Variants in NTSR1 observed in about 807,000 individuals in gnomAD.
The protein encoded by NTSR1 is neurotensin receptor 1, also known as neurotensin receptor type 1.
NTSR1 carries 29 observed loss-of-function variants against 31.2 expected under a neutral mutation model. The observed-to-expected ratio is 0.93, with a 90% CI of 0.69 to 1.27. The LOEUF is 1.27. NTSR1 is among the 50% of genes most tolerant of loss of function. The pLI, the probability that NTSR1 is intolerant of heterozygous loss-of-function variation, is 0.00. For missense variants in NTSR1, 697 were observed against 595.4 expected, an observed-to-expected ratio of 1.17 and a Z score of -1.78; for synonymous variants, 282 against 269.9, an observed-to-expected ratio of 1.04 and a Z score of -0.44.
rs1315183439 is a variant in NTSR1 at position 62,752,640 on chromosome 20, C to A, written c.715-2045C>A. ...AGAGGTAGCTATTTTTGCAGCCAGC[C>A]GTGTTGGTGAGGTTGGTATTTTAAA... On this transcript the variant is annotated intron_variant, in intron 1 of 3. Transcript: ENST00000370501. 2.0e-5 allele frequency among the ~76,000 whole-genome samples: 3 copies of A among 152,212 alleles called. No individual in the cohort carries two copies. The East Asian group carries it at 5.8e-4, about 29-fold the overall frequency.
In NTSR1 at chr20:62,711,569, G is replaced by A. The variant is rs1201999822; in HGVS notation, c.714+1648G>A. On this transcript the variant is annotated intron_variant, in intron 1 of 3. Transcript: ENST00000370501. The surrounding 1 kb of genome is among the most constrained non-coding windows in gnomAD (Gnocchi z 6.4). ...CCCGGATCCCCCCACTCAGACCCCC[G>A]ATCCCCCCGCTCAGATCCCCGATCC... 2.4e-4 allele frequency among the ~76,000 whole-genome samples: 8 copies of A among 34,014 alleles called. No individual in the cohort carries two copies. The highest frequency in any genetic ancestry group is 3.9e-4 in the Non-Finnish European group (7 of 18,168). 22.3% of individuals were successfully genotyped at this position (34,014 alleles called of 152,430 possible).
Position 62,714,418 on chromosome 20 carries a change from G to A in NTSR1, c.714+4497G>A, listed in dbSNP as rs964147120. Reference sequence around the variant, plus strand: ...AAAGGCAGTGTCTCAGCCCAGAAATGTTCATCAATAAGTGAAGAAGGAGCA... The same window carrying A: ...AAAGGCAGTGTCTCAGCCCAGAAATATTCATCAATAAGTGAAGAAGGAGCA... On this transcript the variant is annotated intron_variant, in intron 1 of 3. Coordinates refer to ENST00000370501, the MANE Select transcript of NTSR1 (RefSeq NM_002531.3). This position sits in a 1 kb window ranked among gnomAD's most constrained non-coding sequence, Gnocchi z 4.1. Among the ~76,000 whole-genome samples, 2 of 152,222 alleles carry A rather than the reference G, an allele frequency of 1.3e-5. No individual in the cohort carries two copies. Among genetic ancestry groups the A allele is most frequent in the South Asian group, 4.1e-4 (2 of 4,838 alleles).
At position 62,733,844 on chromosome 20, in the gene NTSR1, GGGAA is replaced by G. The variant is rs1173903750; in HGVS notation, c.715-20838_715-20835del. Among the ~76,000 whole-genome samples the G allele has an allele frequency of 6.6e-6, 1 of 152,172 alleles. No individual in the cohort carries two copies. Among genetic ancestry groups the G allele is most frequent in the Non-Finnish European group, 1.5e-5 (1 of 68,028 alleles). ...CTTGCCTGGGGTCTCAGCTGAGAGA[GGGAA>G]GGCTCTGTGCTGGGGAAGAGGCCTC... On this transcript the variant is annotated intron_variant, in intron 1 of 3. Coordinates refer to ENST00000370501, the MANE Select transcript of NTSR1 (RefSeq NM_002531.3). This position sits in a 1 kb window ranked among gnomAD's most constrained non-coding sequence, Gnocchi z 5.2.
chr20:62,719,862 T>C (rs1046795383), intron 1 of NTSR1, among the ~76,000 whole-genome samples: 1 of 152,252 alleles, frequency 6.6e-6, no homozygotes, highest in Non-Finnish European at 1.5e-5. Flanking sequence ...CCTCATAACA[T>C]GAGCTGGGAG....
At chr20:62,737,913 G>A (rs1392106815) in intron 1 of NTSR1, among the ~76,000 whole-genome samples, 1 of 110,374 alleles carries the variant, frequency 9.1e-6, no homozygotes, top group African/African-American at 4.1e-5. Flanking sequence ...CCTTCCTCCT[G>A]GCCCACAGAT....
intron 1 of NTSR1, among the ~76,000 whole-genome samples, chr20:62,739,537 G>A (rs113725741): frequency 0.039 from 5,980 of 152,346 alleles, 220 homozygotes; most frequent in South Asian, 0.1. Context: ...ACTTGGGGGT[G>A]TGAGGGGCCG....
intron 1 of NTSR1, among the ~76,000 whole-genome samples, chr20:62,752,016 C>T (rs769370664): frequency 2.0e-5 from 3 of 152,228 alleles, no homozygotes; most frequent in Non-Finnish European, 4.4e-5. Flanking sequence ...CTTGTCCTAG[C>T]GACCTGCCTT....
intron 1 of NTSR1, among the ~76,000 whole-genome samples, chr20:62,731,795 T>C (rs1198693340): frequency 2.6e-5 from 4 of 152,204 alleles, no homozygotes; most frequent in Non-Finnish European, 4.4e-5. Flanking sequence ...TTCTGTTCCA[T>C]TGGAATATTT....
Position 62,709,272 on chromosome 20 carries a change from C to T in NTSR1, c.65C>T (p.Ala22Val), listed in dbSNP as rs1170418978. 2.6e-6 allele frequency: 4 copies of T among 1,565,512 alleles called. No individual in the cohort carries two copies. Among genetic ancestry groups the T allele is most frequent in the Non-Finnish European group, 3.4e-6 (4 of 1,161,294 alleles). ...CCGGCCGCCGACCCCTTCCAGCGGG[C>T]GCAGGCCGGACTGGAGGAGGCGCTG... ...GTPAADPFQR[A>V]QAGLEEALLA... Residue 22 changes from alanine (A) to valine (V), a missense_variant, in exon 1 of 4, where the codon GCG becomes GTG. Transcript: ENST00000370501.
chr20:62,718,998 ACT>A (rs1988784094), intron 1 of NTSR1, among the ~76,000 whole-genome samples: 1 of 151,898 alleles, frequency 6.6e-6, no homozygotes, highest in East Asian at 1.9e-4. Context: ...AGCAGTGGTC[ACT>A]CTGCATCCTG....
intron 1 of NTSR1, among the ~76,000 whole-genome samples, chr20:62,720,271 GC>G (rs1313383821): frequency 6.6e-6 from 1 of 152,222 alleles, no homozygotes; most frequent in African/African-American, 2.4e-5. Context: ...CTGCACACCA[GC>G]CTAGGTGACA....
chr20:62,755,898 T>C, intron 2 of NTSR1, among the ~76,000 whole-genome samples: 1 of 107,322 alleles, frequency 9.3e-6, no homozygotes, highest in African/African-American at 3.7e-5. Flanking sequence ...CATCCCTCAT[T>C]CCATCCATCC....
intron 1 of NTSR1, 85 bp downstream of exon 1, chr20:62,710,006 G>A (rs1011543731): frequency 2.6e-6 from 3 of 1,147,568 alleles, no homozygotes; most frequent in Non-Finnish European, 3.7e-6. Context: ...GTAGGGAGTG[G>A]GAGAGATGTC....
rs1333506861 is a variant in NTSR1, at chr20:62,741,724, G to T, written c.715-12961G>T. On this transcript the variant is annotated intron_variant, in intron 1 of 3. Transcript: ENST00000370501. The surrounding 1 kb of genome is among the most constrained non-coding windows in gnomAD (Gnocchi z 4.3). The stretch of plus-strand genomic sequence containing the variant: ...TGTGGGGCAGGCTCAGTCCCTGAGA[G>T]GTCGCCAAGGAGCCACAGCCTTGGA... 6.7e-6 allele frequency among the ~76,000 whole-genome samples: 1 copy of T among 149,742 alleles called. No homozygotes were observed. Among genetic ancestry groups the T allele is most frequent in the Non-Finnish European group, 1.5e-5 (1 of 68,036 alleles).
Position 62,758,261 on chromosome 20 carries a change from C to G in NTSR1, c.917-5C>G. The G allele has an allele frequency of 6.2e-7, 1 of 1,611,504 alleles. No individual in the cohort carries two copies. The highest frequency in any genetic ancestry group is 8.5e-7 in the Non-Finnish European group (1 of 1,179,018). ...GGTCTCTGAGCCCACGTCTCTGTGC[C>G]TCAGGTGCAGTGGTCATCGCCTTTG... On this transcript the variant is annotated splice_region_variant and splice_polypyrimidine_tract_variant and intron_variant, in intron 2 of 3. Transcript: ENST00000370501. This position sits in a 1 kb window ranked among gnomAD's most constrained non-coding sequence, Gnocchi z 4.5.
Position 62,744,043 on chromosome 20 carries a change from C to T in NTSR1, c.715-10642C>T, listed in dbSNP as rs1989251305. On this transcript the variant is annotated intron_variant, in intron 1 of 3. Coordinates refer to ENST00000370501, the MANE Select transcript of NTSR1 (RefSeq NM_002531.3). The surrounding 1 kb of genome is among the most constrained non-coding windows in gnomAD (Gnocchi z 4.1). Reference sequence around the variant, plus strand: ...TTTCATTATCTAACCTTTCACTCCACCTCCGTCCTCCCCATCAAAATTACA... The same window carrying T: ...TTTCATTATCTAACCTTTCACTCCATCTCCGTCCTCCCCATCAAAATTACA... 6.6e-6 allele frequency among the ~76,000 whole-genome samples: 1 copy of T among 152,184 alleles called. No individual in the cohort carries two copies. The highest frequency in any genetic ancestry group is 1.5e-5 in the Non-Finnish European group (1 of 68,040).
rs1989248791 is a variant in NTSR1, at chr20:62,743,904, T to C, written c.715-10781T>C. Among the ~76,000 whole-genome samples, 1 of 152,194 alleles carries C rather than the reference T, an allele frequency of 6.6e-6. No homozygotes were observed. Among genetic ancestry groups the C allele is most frequent in the Non-Finnish European group, 1.5e-5 (1 of 68,036 alleles). On this transcript the variant is annotated intron_variant, in intron 1 of 3. Coordinates refer to ENST00000370501, the MANE Select transcript of NTSR1 (RefSeq NM_002531.3). This position sits in a 1 kb window ranked among gnomAD's most constrained non-coding sequence, Gnocchi z 7.5. ...TGCTGTCTGGCTGTGCCCTCACCTG[T>C]GGGCAGGCATACCGTGTGCACCCCT...
At chr20:62,720,257 G>A (rs190935549) in intron 1 of NTSR1, among the ~76,000 whole-genome samples, 106 of 152,298 alleles carry the variant, frequency 7.0e-4, no homozygotes, top group South Asian at 6.4e-3. Context: ...CCGAGATCAC[G>A]CCACTGCACA....
chr20:62,731,126 C>T (rs1988995633), intron 1 of NTSR1, among the ~76,000 whole-genome samples: 2 of 151,850 alleles, frequency 1.3e-5, no homozygotes, highest in Non-Finnish European at 2.9e-5. Context: ...CTCTTGTTGC[C>T]CAGGCTGGAG....
Sources: gnomAD v4.1 joint callset for allele counts (sites outside exome capture counted in the v4.1 genomes callset) on GRCh38, gnomAD v4.1.1 for gene constraint, Gnocchi (gnomAD v3.1) non-coding constraint, MANE v1.5 for transcripts, NCBI Gene and HGNC (gene_info 2026-07-23, HGNC 2026-07-21) for gene names.